ACOT7: variants seen among roughly 807,000 people sequenced by gnomAD.
The protein encoded by ACOT7 is acyl-CoA thioesterase 7.
ACOT7 carries 12 observed loss-of-function variants against 40.2 expected under a neutral mutation model. That is an observed-to-expected ratio of 0.30 (90% confidence interval 0.19 to 0.48). The LOEUF (loss-of-function observed/expected upper bound fraction) is 0.48, where lower values mean the gene tolerates loss of function less well. ACOT7 is among the 20% of genes least tolerant of loss of function. The pLI is 0.99. For synonymous variants in ACOT7, 228 were observed against 219.5 expected (o/e 1.04, Z -0.34); for missense variants, 395 against 530.8 (o/e 0.74, Z 2.51).
At position 6,381,264 on chromosome 1, in the gene ACOT7, T is replaced by C. The variant is rs140453149; in HGVS notation, c.143+11993A>G. Among the ~76,000 whole-genome samples, 77 of 151,956 alleles carry C rather than the reference T, an allele frequency of 5.1e-4. 1 individual carries two copies. Among genetic ancestry groups the C allele is most frequent in the African/African-American group, 1.7e-3 (69 of 41,518 alleles). On this transcript the variant is annotated intron_variant, in intron 1 of 8. Transcript: ENST00000361521. ...ATGTATATAACATGCACATAATATATACACCTATACATGTCTATGTTCAAG... is the reference window on the plus strand; with the variant it reads ...ATGTATATAACATGCACATAATATACACACCTATACATGTCTATGTTCAAG...
intron 6 of ACOT7, among the ~76,000 whole-genome samples, chr1:6,305,317 G>A (rs1640108734): frequency 7.7e-6 from 1 of 130,136 alleles, no homozygotes; most frequent in African/African-American, 2.6e-5. Context: ...TTCCCAGTAG[G>A]GGCGGCCGGG....
chr1:6,329,837 A>G (rs1640907162), intron 4 of ACOT7, among the ~76,000 whole-genome samples: 1 of 152,144 alleles, frequency 6.6e-6, no homozygotes, highest in Non-Finnish European at 1.5e-5. Context: ...TCCACCCCCG[A>G]CAGCCACTCA....
intron 6 of ACOT7, among the ~76,000 whole-genome samples, chr1:6,313,473 A>T (rs77189331): frequency 0.013 from 1,934 of 152,274 alleles, 49 homozygotes; most frequent in African/African-American, 0.044. Flanking sequence ...GTCTTTTCAG[A>T]CGCGCAAAGC....
rs754935873 is a variant in ACOT7 at position 6,281,145 on chromosome 1, G to A, written c.971C>T (p.Ser324Leu). Residue 324 changes from serine (S) to leucine (L), a missense_variant, in exon 8 of 9, where the codon TCG becomes TTG. Physicochemically the swap from Ser to Leu is moderately radical, Grantham distance 145. Transcript: ENST00000361521. The part of the protein sequence containing the change: ...RAASAFFTYV[S>L]LSQEGRSLPV... ...CAGCGACCTGCCTTCCTGGCTCAGCGACACGTAGGTGAAGAAGGCACTGGC... is the reference window on the plus strand; with the variant it reads ...CAGCGACCTGCCTTCCTGGCTCAGCAACACGTAGGTGAAGAAGGCACTGGC... The A allele has an allele frequency of 5.6e-6, 9 of 1,614,080 alleles. No individual in the cohort carries two copies. Among genetic ancestry groups the A allele is most frequent in the South Asian group, 5.5e-5 (5 of 91,090 alleles).
intron 6 of ACOT7, among the ~76,000 whole-genome samples, chr1:6,303,592 G>A (rs1571287594): frequency 6.6e-6 from 1 of 152,336 alleles, no homozygotes; most frequent in South Asian, 2.1e-4. Flanking sequence ...GCGGCAATCT[G>A]AGATGCCCCC....
At position 6,291,873 on chromosome 1, in the gene ACOT7, C is replaced by T. The variant is rs756269149; in HGVS notation, c.829+2991G>A. Among the ~76,000 whole-genome samples the T allele has an allele frequency of 8.2e-4, 125 of 152,182 alleles. 1 individual carries two copies. The highest frequency in any genetic ancestry group is 1.2e-3 in the Non-Finnish European group (84 of 68,026). On this transcript the variant is annotated intron_variant, in intron 7 of 8. Transcript: ENST00000361521. ...CCAGAGCCAGCAGGGGCCGTGCCTC[C>T]CCGCACAGCCTCGCTCTGTTTCCCT... is the stretch of plus-strand genomic sequence containing the variant.
At chr1:6,285,156 T>C (rs1448320781) in intron 7 of ACOT7, among the ~76,000 whole-genome samples, 1 of 152,120 alleles carries the variant, frequency 6.6e-6, no homozygotes, top group Non-Finnish European at 1.5e-5. Flanking sequence ...GCTGGACCCC[T>C]CTGGGGACCC....
chr1:6,330,601 G>A lies in ACOT7; in HGVS notation c.510+2876C>T, dbSNP rs1285273747. ...CTACAAAGGAAATGAAAAAGCAACT[G>A]GGAGCTCCTCCAGGATGTGGGAGGG... On this transcript the variant is annotated intron_variant, in intron 4 of 8. Coordinates refer to ENST00000361521, the MANE Select transcript of ACOT7 (RefSeq NM_007274.4). The surrounding 1 kb of genome is among the most constrained non-coding windows in gnomAD (Gnocchi z 4.6). Among the ~76,000 whole-genome samples, 1 of 152,210 alleles carries A rather than the reference G, an allele frequency of 6.6e-6. No individual in the cohort carries two copies. The highest frequency in any genetic ancestry group is 1.5e-5 in the Non-Finnish European group (1 of 68,046).
At chr1:6,264,819 A>G (rs997293098) in intron 8 of ACOT7, 124 bp from the exon 9 acceptor site, 3 of 985,830 alleles carry the variant, frequency 3.0e-6, no homozygotes, top group Non-Finnish European at 2.9e-6. Context: ...GTGCATGCTG[A>G]GTACCACGCC....
rs868510900 is a variant in ACOT7 at position 6,329,116 on chromosome 1, G to A, written c.511-1703C>T. ...CTCTGACCTAAGCAAGTTCACTTCA[G>A]ACGGCTGTGTTAGGCCTTCTTTCAA... On this transcript the variant is annotated intron_variant, in intron 4 of 8. Coordinates refer to ENST00000361521, the MANE Select transcript of ACOT7 (RefSeq NM_007274.4). 3.3e-5 allele frequency among the ~76,000 whole-genome samples: 5 copies of A among 152,382 alleles called. No individual in the cohort carries two copies. The South Asian group carries it at 1.0e-3, about 32-fold the overall frequency.
chr1:6,388,928 C>A (rs1265476007), intron 1 of ACOT7, among the ~76,000 whole-genome samples: 1 of 151,320 alleles, frequency 6.6e-6, no homozygotes, highest in Non-Finnish European at 1.5e-5. Flanking sequence ...GTAGTCCCAG[C>A]TACTCAGGAG....
In ACOT7 at chr1:6,281,260, T is replaced by C. The variant is rs766912861; in HGVS notation, c.856A>G (p.Met286Val). Residue 286 changes from methionine (M) to valine (V), a missense_variant, in exon 8 of 9, where the codon ATG (methionine) becomes GTG (valine). Physicochemically the swap from Met to Val is conservative, Grantham distance 21. Coordinates refer to ENST00000361521, the MANE Select transcript of ACOT7 (RefSeq NM_007274.4). ...ATGGACTTATTGCTCGTGAAGGTCA[T>C]GCGTCCCGAGATGGTGATGACGCAG... ...KGCVITISGR[M>V]TFTSNKSMEI... 1 of 1,613,690 alleles carries C rather than the reference T, an allele frequency of 6.2e-7. No homozygotes were observed.
chr1:6,280,779 G>A (rs1639331657), intron 8 of ACOT7, among the ~76,000 whole-genome samples: 1 of 152,190 alleles, frequency 6.6e-6, no homozygotes, highest in African/African-American at 2.4e-5. Context: ...AGGCGACCTG[G>A]ACGCCCAGGC....
chr1:6,292,837 A>T (rs1402254526), intron 7 of ACOT7, among the ~76,000 whole-genome samples: 2 of 151,138 alleles, frequency 1.3e-5, no homozygotes, highest in African/African-American at 4.9e-5. Flanking sequence ...GCCTGCCACC[A>T]GCCTGGCTAA....
At chr1:6,327,519 T>C (rs1035829951) in intron 4 of ACOT7, 106 bp from the exon 5 acceptor site, 2 of 899,142 alleles carry the variant, frequency 2.2e-6, no homozygotes, top group African/African-American at 1.7e-5. Flanking sequence ...CTGGGACTAT[T>C]TTTTCTTCTG....
At chr1:6,313,093 G>A (rs1025906518) in intron 6 of ACOT7, among the ~76,000 whole-genome samples, 1 of 152,176 alleles carries the variant, frequency 6.6e-6, no homozygotes, top group African/African-American at 2.4e-5. Flanking sequence ...CCAGAACCAT[G>A]GCTCTCAATG....
Position 6,318,544 on chromosome 1 carries a change from C to G in ACOT7, c.660G>C (p.Leu220Phe). 6 of 1,614,036 alleles carry G rather than the reference C, an allele frequency of 3.7e-6. No individual in the cohort carries two copies. The highest frequency in any genetic ancestry group is 2.2e-5 in the East Asian group (1 of 44,900). ...AGTCTGAAGGCCCCACCAGGTGGAT[C>G]AAGCTGGACTGGCTGTAGCTGACAG... ...PNTVSYSQSS[L>F]IHLVGPSDCT... Residue 220 changes from leucine (L) to phenylalanine (F), a missense_variant, in exon 6 of 9, where the codon TTG becomes TTC. Transcript: ENST00000361521.
intron 6 of ACOT7, among the ~76,000 whole-genome samples, chr1:6,315,675 C>T (rs999727901): frequency 2.7e-5 from 4 of 145,674 alleles, no homozygotes; most frequent in African/African-American, 7.7e-5. Flanking sequence ...GGTGTGAACC[C>T]GGGAGGCAGA....
intron 6 of ACOT7, among the ~76,000 whole-genome samples, chr1:6,303,508 TG>T (rs1376496487): frequency 6.6e-6 from 1 of 152,090 alleles, no homozygotes; most frequent in African/African-American, 2.4e-5. Flanking sequence ...TGCTCGTGAC[TG>T]GGTCAGGCTT....
Sources: gnomAD v4.1 joint callset for allele counts (sites outside exome capture counted in the v4.1 genomes callset) on GRCh38, gnomAD v4.1.1 for gene constraint, Gnocchi (gnomAD v3.1) non-coding constraint, MANE v1.5 for transcripts, NCBI Gene and HGNC (gene_info 2026-07-23, HGNC 2026-07-21) for gene names.